DNAH3: variants seen among roughly 807,000 people sequenced by gnomAD.
DNAH3 encodes dynein axonemal heavy chain 3, also known as axonemal beta dynein heavy chain 3.
A neutral mutation model predicts 432.5 loss-of-function variants in DNAH3; 332 were observed. That is an observed-to-expected ratio of 0.77 (90% CI 0.70 to 0.84). The LOEUF is 0.84. DNAH3 is among the 40% of genes least tolerant of loss of function. The pLI is 0.00. For synonymous variants in DNAH3, 1,956 were observed against 1,900.2 expected, an observed-to-expected ratio of 1.03 and a Z score of -0.76; for missense variants, 4,861 against 5,114.0, an observed-to-expected ratio of 0.95 and a Z score of 1.51.
At chr16:21,144,707 T>C (rs557319496) in intron 3 of DNAH3, among the ~76,000 whole-genome samples, 4 of 152,216 alleles carry the variant, frequency 2.6e-5, no homozygotes, top group Non-Finnish European at 5.9e-5. Flanking sequence ...AAATGGTCTA[T>C]AAATGTTAGC....
chr16:21,123,465 G>C (rs1047412242), intron 9 of DNAH3, among the ~76,000 whole-genome samples: 1 of 152,186 alleles, frequency 6.6e-6, no homozygotes, highest in Non-Finnish European at 1.5e-5. Context: ...TTTAGAGTGA[G>C]ATTGGCTTCC....
intron 39 of DNAH3, 108 bp downstream of exon 39, chr16:21,024,488 C>T (rs2088432801): frequency 5.6e-6 from 4 of 718,848 alleles, no homozygotes; most frequent in South Asian, 2.1e-5. Flanking sequence ...GAATTCCCTG[C>T]CCCTTGTTGC....
At chr16:21,098,966 T>A (rs1421837350) in intron 16 of DNAH3, among the ~76,000 whole-genome samples, 197 bp from the exon 17 acceptor site, 1 of 152,196 alleles carries the variant, frequency 6.6e-6, no homozygotes. Context: ...TTAAACTACC[T>A]ATAAGACCAC....
intron 60 of DNAH3, among the ~76,000 whole-genome samples, chr16:20,935,884 G>C (rs1457654743): frequency 6.6e-6 from 1 of 151,834 alleles, no homozygotes; most frequent in African/African-American, 2.4e-5. Context: ...TGATATCAGG[G>C]ATACAACAGA....
intron 21 of DNAH3, among the ~76,000 whole-genome samples, chr16:21,071,984 G>A (rs1023568899): frequency 6.6e-6 from 1 of 152,146 alleles, no homozygotes; most frequent in African/African-American, 2.4e-5. Flanking sequence ...CCAACTCAGA[G>A]TGAATGATTC....
In DNAH3 at chr16:21,021,154, T is replaced by G. The variant is rs560774035; in HGVS notation, c.5776+817A>C. Among the ~76,000 whole-genome samples, 13 of 152,362 alleles carry G rather than the reference T, an allele frequency of 8.5e-5. No homozygotes were observed. In the East Asian group the frequency reaches 2.3e-3, roughly 27 times the overall value. On this transcript the variant is annotated intron_variant, in intron 40 of 61. Coordinates refer to ENST00000261383, the Ensembl canonical transcript of DNAH3. Reference sequence around the variant, plus strand: ...CATCCATCGGTAGACACATGGGTTGTTTTCACCATTTGGGTATTGTGAACA... The same window carrying G: ...CATCCATCGGTAGACACATGGGTTGGTTTCACCATTTGGGTATTGTGAACA...
intron 27 of DNAH3, among the ~76,000 whole-genome samples, chr16:21,055,411 T>C (rs538937663): frequency 1.4e-4 from 22 of 152,258 alleles, no homozygotes; most frequent in Non-Finnish European, 1.8e-4. Context: ...GAAAGGTCTA[T>C]AGAGTAGAGA....
chr16:21,114,568 C>G (rs532560392), intron 12 of DNAH3, among the ~76,000 whole-genome samples: 136 of 152,214 alleles, frequency 8.9e-4, no homozygotes, highest in African/African-American at 3.2e-3. Flanking sequence ...ACAACCCCAT[C>G]AAAAAGTGGG....
intron 11 of DNAH3, chr16:21,120,613 GT>G: frequency 5.5e-6 from 4 of 728,538 alleles, no homozygotes; most frequent in Non-Finnish European, 9.6e-6. Context: ...GGGGAACTCA[GT>G]CTACGTTGTT....
intron 59 of DNAH3, 75 bp downstream of exon 59, chr16:20,941,326 T>G: frequency 1.3e-6 from 2 of 1,580,916 alleles, no homozygotes; most frequent in East Asian, 4.5e-5. Context: ...TAGCAACCCC[T>G]TCTCAGCTAC....
At chr16:21,153,100 C>T (rs2152837393) in intron 1 of DNAH3, among the ~76,000 whole-genome samples, 1 of 152,324 alleles carries the variant, frequency 6.6e-6, no homozygotes, top group East Asian at 1.9e-4. Flanking sequence ...ATGGCTAGCT[C>T]AGGGATTGTA....
chr16:20,936,158 T>C (rs2083581251), intron 60 of DNAH3, among the ~76,000 whole-genome samples: 1 of 136,218 alleles, frequency 7.3e-6, no homozygotes, highest in South Asian at 2.4e-4. Context: ...GTTTGTGACA[T>C]TTTTTTTCTT....
intron 35 of DNAH3, among the ~76,000 whole-genome samples, chr16:21,034,563 T>G (rs1032165788): frequency 3.3e-5 from 5 of 152,248 alleles, no homozygotes; most frequent in Admixed American, 6.5e-5. Flanking sequence ...TAGCAAATTG[T>G]GTTTCTCCTG....
chr16:21,032,930 A>T (rs1383711062), intron 36 of DNAH3, among the ~76,000 whole-genome samples: 1 of 152,110 alleles, frequency 6.6e-6, no homozygotes, highest in African/African-American at 2.4e-5. Context: ...TCTTTAAGGT[A>T]TATTAAAATG....
At chr16:21,085,259 C>A (rs565755030) in intron 19 of DNAH3, among the ~76,000 whole-genome samples, 10 of 152,018 alleles carry the variant, frequency 6.6e-5, no homozygotes, top group Admixed American at 6.5e-4. Context: ...TAAAAAATAT[C>A]CCAGCCAGGC....
intron 54 of DNAH3, among the ~76,000 whole-genome samples, chr16:20,957,762 G>A (rs1443758121): frequency 4.7e-5 from 6 of 126,638 alleles, no homozygotes; most frequent in South Asian, 5.1e-4. Context: ...AGTGGAGATC[G>A]CGTCATTGCA....
intron 59 of DNAH3, among the ~76,000 whole-genome samples, chr16:20,937,172 T>TA (rs1425195542): frequency 6.6e-6 from 1 of 152,170 alleles, no homozygotes; most frequent in East Asian, 1.9e-4. Flanking sequence ...TTCTTTTTTT[T>TA]AGAGATGGGG....
intron 41 of DNAH3, among the ~76,000 whole-genome samples, chr16:21,013,886 G>A (rs543208740): frequency 6.6e-5 from 10 of 152,190 alleles, no homozygotes; most frequent in Non-Finnish European, 1.0e-4. Flanking sequence ...TTCACATAAG[G>A]AGAAGTAGAT....
At chr16:20,985,089 G>A (rs2086124013) in exon 48 of DNAH3, 1 of 1,612,352 alleles carries the variant, frequency 6.2e-7, no homozygotes, top group Non-Finnish European at 8.5e-7. Flanking sequence ...TCTCAATAAA[G>A]AAGTTATACA....
Sources: gnomAD v4.1 joint callset for allele counts (sites outside exome capture counted in the v4.1 genomes callset) on GRCh38, gnomAD v4.1.1 for gene constraint, MANE v1.5 for transcripts, NCBI Gene and HGNC (gene_info 2026-07-23, HGNC 2026-07-21) for gene names.